The following DCDC1 variants were observed in gnomAD, a reference collection of about 807,000 sequenced individuals.
The protein encoded by DCDC1 is doublecortin domain containing 1.
A neutral mutation model predicts 178.3 loss-of-function variants in DCDC1; 200 were observed. That is an observed-to-expected ratio of 1.12 (90% CI 1.00 to 1.26). The LOEUF (loss-of-function observed/expected upper bound fraction) is 1.26, where lower values mean the gene tolerates loss of function less well. DCDC1 is among the 50% of genes most tolerant of loss of function. DCDC1 has a pLI of 0.00. For synonymous variants in DCDC1, 690 were observed against 604.8 expected, an observed-to-expected ratio of 1.14 and a Z score of -2.07; for missense variants, 1,983 against 1,749.2, an observed-to-expected ratio of 1.13 and a Z score of -2.38.
intron 9 of DCDC1, among the ~76,000 whole-genome samples, chr11:31,176,515 A>C (rs575826951): frequency 6.6e-4 from 100 of 152,326 alleles, no homozygotes; most frequent in Admixed American, 1.4e-3. Context: ...CAAGTAATTG[A>C]GAGAGATATG....
intron 15 of DCDC1, among the ~76,000 whole-genome samples, chr11:31,099,728 T>C (rs2135721829): frequency 6.6e-6 from 1 of 151,172 alleles, no homozygotes; most frequent in South Asian, 2.1e-4. Flanking sequence ...GTTGTTTTTT[T>C]TTTTTTTTTG....
intron 9 of DCDC1, among the ~76,000 whole-genome samples, chr11:31,226,068 T>C (rs1262549200): frequency 6.6e-6 from 1 of 152,032 alleles, no homozygotes; most frequent in Non-Finnish European, 1.5e-5. Context: ...CGCTGAGGAA[T>C]GTAAGAGGAA....
intron 13 of DCDC1, among the ~76,000 whole-genome samples, chr11:31,105,759 C>T (rs928616396): frequency 6.6e-6 from 1 of 151,972 alleles, no homozygotes; most frequent in African/African-American, 2.4e-5. Context: ...CAACATCTTC[C>T]AAAACCTTGA....
chr11:31,355,465 T>C (rs970133108), intron 1 of DCDC1, among the ~76,000 whole-genome samples: 1 of 152,204 alleles, frequency 6.6e-6, no homozygotes, highest in Non-Finnish European at 1.5e-5. Flanking sequence ...ACATACCTCT[T>C]TTCCCAATCT....
intron 10 of DCDC1, among the ~76,000 whole-genome samples, chr11:31,136,147 A>G (rs989660889): frequency 6.6e-5 from 10 of 152,074 alleles, no homozygotes; most frequent in African/African-American, 2.4e-4. Flanking sequence ...TCCAAGATAC[A>G]TGGTAGATTC....
chr11:31,068,390 A>G (rs368550642), intron 18 of DCDC1, among the ~76,000 whole-genome samples: 1 of 152,168 alleles, frequency 6.6e-6, no homozygotes, highest in Non-Finnish European at 1.5e-5. Flanking sequence ...GACTTAACAA[A>G]CATATACATA....
chr11:31,227,625 C>T (rs529791675), intron 9 of DCDC1, among the ~76,000 whole-genome samples: 1 of 151,972 alleles, frequency 6.6e-6, no homozygotes, highest in South Asian at 2.1e-4. Flanking sequence ...AAATAAAACA[C>T]AAATGACAAG....
intron 9 of DCDC1, among the ~76,000 whole-genome samples, chr11:31,198,305 T>C (rs1372982777): frequency 2.6e-5 from 4 of 152,074 alleles, no homozygotes; most frequent in Non-Finnish European, 5.9e-5. Flanking sequence ...AAAATGTCTA[T>C]GGCAACAACT....
intron 21 of DCDC1, among the ~76,000 whole-genome samples, chr11:30,933,558 T>C (rs770068814): frequency 3.3e-5 from 5 of 152,224 alleles, no homozygotes; most frequent in African/African-American, 4.8e-5. Flanking sequence ...TTAAATGTGC[T>C]AATATTTTCT....
chr11:31,358,859 A>T (rs1230773381), intron 1 of DCDC1, among the ~76,000 whole-genome samples: 1 of 152,236 alleles, frequency 6.6e-6, no homozygotes, highest in Non-Finnish European at 1.5e-5. Context: ...GCCATCAGAG[A>T]AATGCAAATC....
intron 9 of DCDC1, among the ~76,000 whole-genome samples, chr11:31,208,859 C>G (rs1432343367): frequency 6.6e-6 from 1 of 152,200 alleles, no homozygotes; most frequent in Non-Finnish European, 1.5e-5. Flanking sequence ...GCCTTATCAA[C>G]AAAAACCAAA....
At chr11:31,233,015 G>A (rs1459864949) in intron 9 of DCDC1, among the ~76,000 whole-genome samples, 1 of 151,886 alleles carries the variant, frequency 6.6e-6, no homozygotes, top group Non-Finnish European at 1.5e-5. Context: ...TTGAATCTGG[G>A]AGGTGGAGGT....
Position 30,900,464 on chromosome 11 carries a change from A to C in DCDC1, c.4545T>G (p.Phe1515Leu). The C allele has an allele frequency of 6.4e-7, 1 of 1,553,264 alleles. No individual in the cohort carries two copies. Among genetic ancestry groups the C allele is most frequent in the Non-Finnish European group, 8.7e-7 (1 of 1,147,696 alleles). Residue 1515 changes from phenylalanine to leucine, a missense_variant, in exon 33 of 39, where the codon TTT becomes TTG. Transcript: ENST00000684477. ...NPRMKVKNRLFAKSVTSDSLD... is the reference protein window; with the variant it reads ...NPRMKVKNRLLAKSVTSDSLD... ...AACTATCGGATGTCACAGATTTTGC[A>C]AATAATCTGTTTTTCACTTTCATTC...
At chr11:31,091,010 C>T (rs1957788643) in intron 17 of DCDC1, among the ~76,000 whole-genome samples, 1 of 152,070 alleles carries the variant, frequency 6.6e-6, no homozygotes, top group Non-Finnish European at 1.5e-5. Context: ...TGTGATTATT[C>T]TTTCACAGTT....
intron 9 of DCDC1, among the ~76,000 whole-genome samples, chr11:31,150,711 T>C (rs1038244560): frequency 6.6e-6 from 1 of 151,810 alleles, no homozygotes; most frequent in Non-Finnish European, 1.5e-5. Flanking sequence ...TTATTTCTTA[T>C]CATCTATGTC....
At chr11:30,976,553 T>C (rs1158598668) in intron 20 of DCDC1, among the ~76,000 whole-genome samples, 1 of 150,190 alleles carries the variant, frequency 6.7e-6, no homozygotes. Flanking sequence ...AAAAAAGACA[T>C]ACAGATGGCC....
intron 9 of DCDC1, among the ~76,000 whole-genome samples, chr11:31,223,191 A>C (rs1452857692): frequency 6.6e-6 from 1 of 152,180 alleles, no homozygotes; most frequent in East Asian, 1.9e-4. Context: ...TCAGGAAAAG[A>C]AAACAATGAT....
rs71060480 is a variant in DCDC1 at position 31,213,100 on chromosome 11, CCTCTCTCTCTCTCTCTCTCTCTCTCT to C, written c.1221+28324_1221+28349del. ...GTGTCATCTTCTATATAAAGCCCAGCCTCTCTCTCTCTCTCTCTCTCTCTCTCTCTCTCTCTCTCTCTCTCTCTCTC... is the reference window on the plus strand; with the variant it reads ...GTGTCATCTTCTATATAAAGCCCAGCCTCTCTCTCTCTCTCTCTCTCTCTC... On this transcript the variant is annotated intron_variant, in intron 9 of 38. Transcript: ENST00000684477. 4.7e-4 allele frequency among the ~76,000 whole-genome samples: 21 copies of C among 44,274 alleles called. 1 individual carries two copies. The highest frequency in any genetic ancestry group is 2.1e-3 in the Admixed American group (8 of 3,786). 29.0% of individuals were successfully genotyped at this position (44,274 alleles called of 152,430 possible).
chr11:31,321,746 C>A (rs1357882119), intron 3 of DCDC1, among the ~76,000 whole-genome samples: 2 of 152,162 alleles, frequency 1.3e-5, no homozygotes, highest in Non-Finnish European at 2.9e-5. Flanking sequence ...GTACTCCCTT[C>A]AAAAAATAAA....
Sources: gnomAD v4.1 joint callset for allele counts (sites outside exome capture counted in the v4.1 genomes callset) on GRCh38, gnomAD v4.1.1 for gene constraint, MANE v1.5 for transcripts, NCBI Gene and HGNC (gene_info 2026-07-23, HGNC 2026-07-21) for gene names.